The following RET variants were observed in gnomAD, a reference collection of about 807,000 sequenced individuals.
RET encodes the protein proto-oncogene tyrosine-protein kinase receptor Ret.
In RET, 19 loss-of-function variants were observed where a neutral mutation model predicts 118.3. The observed-to-expected ratio is 0.16, with a 90% CI of 0.11 to 0.24. The LOEUF (loss-of-function observed/expected upper bound fraction) is 0.24. RET is among the 10% of genes least tolerant of loss of function. The pLI, the probability that RET is intolerant of heterozygous loss-of-function variation, is 1.00. For synonymous variants in RET, 597 were observed against 644.1 expected, an observed-to-expected ratio of 0.93 and a Z score of 1.11; for missense variants, 1,219 against 1,502.1, an observed-to-expected ratio of 0.81 and a Z score of 3.12.
intron 1 of RET, among the ~76,000 whole-genome samples, chr10:43,082,744 G>A (rs1462932807): frequency 6.6e-6 from 1 of 152,248 alleles, no homozygotes; most frequent in African/African-American, 2.4e-5. Context: ...TGTGACTCCA[G>A]AGGATTCTCG....
At chr10:43,123,050 C>G (rs1385856892) in intron 16 of RET, among the ~76,000 whole-genome samples, 1 of 152,224 alleles carries the variant, frequency 6.6e-6, no homozygotes, top group Non-Finnish European at 1.5e-5. Context: ...ACCACACCGC[C>G]CAGTGACCTC....
At chr10:43,089,608 G>A (rs1837367920) in intron 1 of RET, among the ~76,000 whole-genome samples, 1 of 152,230 alleles carries the variant, frequency 6.6e-6, no homozygotes, top group Non-Finnish European at 1.5e-5. Flanking sequence ...TTGTCAAGAG[G>A]CAGAACCAGG....
At chr10:43,094,338 C>T (rs1247891590) in intron 1 of RET, among the ~76,000 whole-genome samples, 1 of 152,184 alleles carries the variant, frequency 6.6e-6, no homozygotes, top group East Asian at 1.9e-4. Flanking sequence ...CGTCTGCCAC[C>T]CATCAAGGGC....
chr10:43,109,106 A>C lies in RET; in HGVS notation c.1139A>C (p.Asp380Ala), dbSNP rs755400887. ...MQLAVLVNDS[D>A]FQGPGAGVLL... is the part of the protein sequence containing the mutation. ...CTGGCGGTGCTGGTCAATGACTCAG[A>C]CTTCCAGGGCCCAGGAGCGGGCGTC... Residue 380 changes from aspartate to alanine, a missense_variant, in exon 6 of 20, where the codon GAC becomes GCC. By Grantham distance (126) the Asp-to-Ala change is moderately radical. This residue lies in a region of RET where 850 missense variants were observed against 969.6 expected (regional missense o/e 0.88). Transcript: ENST00000355710. 1 of 1,613,878 alleles carries C rather than the reference A, an allele frequency of 6.2e-7. No homozygotes were observed. Among genetic ancestry groups the C allele is most frequent in the Non-Finnish European group, 8.5e-7 (1 of 1,180,020 alleles).
intron 1 of RET, among the ~76,000 whole-genome samples, chr10:43,080,123 G>T (rs1837148178): frequency 6.6e-6 from 1 of 152,240 alleles, no homozygotes; most frequent in African/African-American, 2.4e-5. Flanking sequence ...CCTTGGTGGT[G>T]TGAAGAAAAT....
chr10:43,111,376 G>A lies in RET; in HGVS notation c.1433G>A (p.Cys478Tyr), dbSNP rs1459885382. ...NDTKALRRPK[C>Y]AELHYMVVAT... ...ACCAAGGCCCTGCGGCGGCCCAAGT[G>A]TGCCGAACTTCACTACATGGTGGTG... The change falls in exon 7 of 20, where the codon TGT becomes TAT. Residue 478 changes from cysteine (C) to tyrosine (Y), a missense_variant. Around this residue, in one of 5 missense-constraint regions of RET, gnomAD observed 850 missense variants for 969.6 expected, o/e 0.88. Transcript: ENST00000355710. The A allele has an allele frequency of 1.2e-6, 2 of 1,614,026 alleles. No individual in the cohort carries two copies. Among genetic ancestry groups the A allele is most frequent in the Non-Finnish European group, 1.7e-6 (2 of 1,180,028 alleles).
At chr10:43,111,605 G>T in intron 7 of RET, 140 bp downstream of exon 7, 1 of 938,006 alleles carries the variant, frequency 1.1e-6, no homozygotes, top group South Asian at 1.7e-5. Context: ...CACCCTGAGT[G>T]ACCCAGCAGT....
chr10:43,106,381 C>G lies in RET; in HGVS notation c.873C>G (p.Thr291=). ...AVVEFKRKED[T]VVATLRVFDA... is the part of the protein sequence containing the mutation. ...ACGCCCTCTGCATCCTGCAGGACAC[C>G]GTGGTGGCCACGCTGCGTGTCTTCG... Residue 291 remains threonine, a synonymous_variant, in exon 5 of 20, where the codon ACC becomes ACG. Transcript: ENST00000355710. This position sits in a 1 kb window ranked among gnomAD's most constrained non-coding sequence, Gnocchi z 5.1. The G allele has an allele frequency of 6.2e-7, 1 of 1,610,460 alleles. No homozygotes were observed.
chr10:43,108,244 C>G (rs1588868727), intron 5 of RET, among the ~76,000 whole-genome samples: 1 of 151,460 alleles, frequency 6.6e-6, no homozygotes, highest in African/African-American at 2.4e-5. Flanking sequence ...ATTCCAGGAA[C>G]CTGGGAGGCT....
At chr10:43,096,973 C>A (rs2132633003) in intron 1 of RET, among the ~76,000 whole-genome samples, 1 of 152,318 alleles carries the variant, frequency 6.6e-6, no homozygotes. Context: ...GCTGCAGAGA[C>A]CACCTGGGAG....
intron 1 of RET, among the ~76,000 whole-genome samples, chr10:43,097,829 G>A (rs1837552955): frequency 6.6e-6 from 1 of 151,974 alleles, no homozygotes; most frequent in South Asian, 2.1e-4. Flanking sequence ...CGGCCCTGGG[G>A]GCGTTCTCAA....
At chr10:43,120,284 G>A (rs2132966943) in intron 15 of RET, 81 bp downstream of exon 15, 1 of 1,576,154 alleles carries the variant, frequency 6.3e-7, no homozygotes, top group Non-Finnish European at 8.6e-7. Flanking sequence ...GGGAAGCCTA[G>A]GAAAGATACC....
In RET at chr10:43,106,652, A is replaced by G; in HGVS notation, c.1063+81A>G. The G allele has an allele frequency of 7.2e-7, 1 of 1,398,498 alleles. No individual in the cohort carries two copies. Among genetic ancestry groups the G allele is most frequent in the Non-Finnish European group, 9.9e-7 (1 of 1,008,290 alleles). The allele number at this position is 1,398,498 out of a possible 1,614,324, so 86.6% of individuals were successfully genotyped here. On this transcript the variant is annotated intron_variant, in intron 5 of 19. Transcript: ENST00000355710. This position sits in a 1 kb window ranked among gnomAD's most constrained non-coding sequence, Gnocchi z 5.1. ...TCTTCATGGGCAAGCAGCACCCTAC[A>G]CACATGCACACCTGGCATGGCCCTC...
At chr10:43,088,079 T>TGGA (rs923062825) in intron 1 of RET, among the ~76,000 whole-genome samples, 21 of 150,732 alleles carry the variant, frequency 1.4e-4, no homozygotes, top group African/African-American at 5.1e-4. Context: ...ACGGTGGTGG[T>TGGA]GGACGTGATA....
chr10:43,127,073 G>C, intron 19 of RET: 1 of 1,210,706 alleles, frequency 8.3e-7, no homozygotes, highest in Non-Finnish European at 1.0e-6. Context: ...CTTTAACTAA[G>C]TGGATAAATA....
At chr10:43,126,846 T>C (rs1249177228) in intron 19 of RET, 124 bp downstream of exon 19, 1 of 1,484,756 alleles carries the variant, frequency 6.7e-7, no homozygotes, top group Non-Finnish European at 9.0e-7. Flanking sequence ...CTCTGAACCT[T>C]TTTATTTGTA....
At chr10:43,125,021 C>A (rs751406735) in intron 18 of RET, 39 bp downstream of exon 18, 1 of 1,585,852 alleles carries the variant, frequency 6.3e-7, no homozygotes, top group African/African-American at 1.3e-5. Context: ...CTGAAAGTGG[C>A]TTGGGGAGAC....
At chr10:43,126,085 G>A (rs891797974) in intron 18 of RET, among the ~76,000 whole-genome samples, 2 of 152,192 alleles carry the variant, frequency 1.3e-5, no homozygotes, top group Non-Finnish European at 2.9e-5. Flanking sequence ...CAGCCCTGAC[G>A]TGACGTTCTA....
chr10:43,115,243 C>T (rs528178951), intron 11 of RET, among the ~76,000 whole-genome samples: 3 of 152,344 alleles, frequency 2.0e-5, no homozygotes, highest in South Asian at 2.1e-4. Context: ...TGTGAGTGAA[C>T]GGTGAGCCAC....
Sources: allele counts gnomAD v4.1 joint callset (sites outside exome capture counted in the v4.1 genomes callset), GRCh38; gene constraint gnomAD v4.1.1; regional missense constraint gnomAD v4.1.1; non-coding constraint Gnocchi (gnomAD v3.1); transcripts MANE v1.5; gene names NCBI Gene and HGNC (gene_info 2026-07-23, HGNC 2026-07-21).